Variants in DOCK6 observed in about 807,000 individuals in gnomAD.
DOCK6 encodes the protein dedicator of cytokinesis protein 6.
In DOCK6, 167 loss-of-function variants were observed where a neutral mutation model predicts 230.3. The observed-to-expected ratio is 0.73, with a 90% CI of 0.64 to 0.82. The LOEUF (loss-of-function observed/expected upper bound fraction) is 0.82, where lower values mean the gene tolerates loss of function less well. Ranked by LOEUF, DOCK6 falls within the 40% of genes least tolerant of loss-of-function variation. The pLI is 0.00. For missense variants in DOCK6, 2,598 were observed against 2,825.8 expected (o/e 0.92, Z 1.83); for synonymous variants, 1,148 against 1,185.0 (o/e 0.97, Z 0.64).
chr19:11,245,858 G>T lies in DOCK6; in HGVS notation c.827C>A (p.Pro276His). The T allele has an allele frequency of 6.4e-7, 1 of 1,567,662 alleles. No homozygotes were observed. The highest frequency in any genetic ancestry group is 1.2e-5 in the South Asian group (1 of 85,250). ...LSLKFEIEIEPIFGILALYDV... is the reference protein window; with the variant it reads ...LSLKFEIEIEHIFGILALYDV... ...ATACAGAGCCAAGATCCCAAAGATGGGCTCAATTTCAATCTCGAACCTACA... is the reference window on the plus strand; with the variant it reads ...ATACAGAGCCAAGATCCCAAAGATGTGCTCAATTTCAATCTCGAACCTACA... The change falls in exon 8 of 48, where the codon CCC (proline) becomes CAC (histidine). Residue 276 changes from proline to histidine, a missense_variant. Physicochemically the swap from Pro to His is moderately conservative, Grantham distance 77. Transcript: ENST00000294618.
intron 14 of DOCK6, chr19:11,238,807 AC>A (rs939101021): frequency 6.2e-6 from 1 of 160,718 alleles, no homozygotes; most frequent in Non-Finnish European, 1.4e-5. Context: ...GCAAGCCTTG[AC>A]CCCTCTCTGG....
chr19:11,252,018 C>A, intron 5 of DOCK6, 101 bp downstream of exon 5: 3 of 1,528,604 alleles, frequency 2.0e-6, no homozygotes, highest in Non-Finnish European at 2.7e-6. Flanking sequence ...TCCTTTTGAG[C>A]TCAAGGCTGT....
At chr19:11,249,957 A>G (rs1336274905) in intron 6 of DOCK6, among the ~76,000 whole-genome samples, 1 of 151,666 alleles carries the variant, frequency 6.6e-6, no homozygotes, top group African/African-American at 2.4e-5. Flanking sequence ...TAGGTGCCCA[A>G]TAAATACTGG....
rs1377748349 is a variant in DOCK6, at chr19:11,221,906, G to A, written c.3495C>T (p.Tyr1165=). Reference sequence around the variant, plus strand: ...CCCGTGCAATCGATAGCAGTGGCAGGTACAGCTCGGCCACACGAGCCTTCA... The same window carrying A: ...CCCGTGCAATCGATAGCAGTGGCAGATACAGCTCGGCCACACGAGCCTTCA... ...ATVKARVAEL[Y]LPLLSIARDT... The change falls in exon 28 of 48, where the codon TAC becomes TAT. Residue 1165 remains tyrosine (Y), a synonymous_variant. Transcript: ENST00000294618. 1 of 1,613,404 alleles carries A rather than the reference G, an allele frequency of 6.2e-7. No homozygotes were observed. Among genetic ancestry groups the A allele is most frequent in the Admixed American group, 1.7e-5 (1 of 60,016 alleles).
Position 11,199,382 on chromosome 19 carries a change from A to G in DOCK6, c.*115T>C. 2 of 1,268,134 alleles carry G rather than the reference A, an allele frequency of 1.6e-6. No individual in the cohort carries two copies. Among genetic ancestry groups the G allele is most frequent in the South Asian group, 2.6e-5 (2 of 78,030 alleles). The allele number at this position is 1,268,134 out of a possible 1,614,324, so 78.6% of individuals were successfully genotyped here. A position where few individuals can be genotyped will look rare whatever the true frequency, so the allele number is the denominator to read the frequency against. Reference sequence around the variant, plus strand: ...CACAGGGGCAGAGGGCCCAGCCCCAAGTACAGTGTGGTCACCCCACAGCCC... The same window carrying G: ...CACAGGGGCAGAGGGCCCAGCCCCAGGTACAGTGTGGTCACCCCACAGCCC... On this transcript the variant is annotated 3_prime_UTR_variant, in exon 48 of 48. Transcript: ENST00000294618.
In DOCK6 at chr19:11,215,812, C is replaced by T. The variant is rs766434870; in HGVS notation, c.4010G>A (p.Arg1337Gln). Residue 1337 changes from arginine (R) to glutamine (Q), a missense_variant, in exon 31 of 48, where the codon CGG becomes CAG. Arg to Gln is a conservative substitution (Grantham distance 43, BLOSUM62 1). Coordinates refer to ENST00000294618, the MANE Select transcript of DOCK6 (RefSeq NM_020812.4). The stretch of plus-strand genomic sequence containing the variant: ...TGTCACCCTCTTACCACGACTTCGC[C>T]GAACCATTTCTTGTCGAGCTCCGAT... ...GTIGARQEMV[R>Q]RSRERSPFGN... 12 of 1,613,826 alleles carry T rather than the reference C, an allele frequency of 7.4e-6. No homozygotes were observed. Among genetic ancestry groups the T allele is most frequent in the Admixed American group, 3.3e-5 (2 of 60,000 alleles).
intron 1 of DOCK6, among the ~76,000 whole-genome samples, chr19:11,256,268 T>C (rs1362795200): frequency 2.6e-5 from 4 of 152,182 alleles, no homozygotes; most frequent in Non-Finnish European, 4.4e-5. Context: ...TTACAAAAGA[T>C]GCTGGGACAG....
chr19:11,216,091 T>A (rs543526854), intron 30 of DOCK6, 164 bp from the exon 31 acceptor site: 880 of 436,008 alleles, frequency 2.0e-3, no homozygotes, highest in East Asian at 3.4e-3. Flanking sequence ...AAAAAAAAAA[T>A]TTTTTTTTTT....
chr19:11,211,505 C>T (rs1322689952), intron 37 of DOCK6, among the ~76,000 whole-genome samples: 2 of 151,178 alleles, frequency 1.3e-5, no homozygotes, highest in Non-Finnish European at 3.0e-5. Context: ...CTCATGTCTG[C>T]TCACCTGTCC....
intron 7 of DOCK6, chr19:11,247,847 G>T (rs1599279707): frequency 1.8e-6 from 1 of 552,080 alleles, no homozygotes; most frequent in Non-Finnish European, 3.3e-6. Context: ...TACATGAAAG[G>T]CTGAGAACTG....
rs764367300 is a variant in DOCK6, at chr19:11,200,889, C to T, written c.5832+20G>A. The T allele has an allele frequency of 3.1e-6, 5 of 1,613,858 alleles. No individual in the cohort carries two copies. The South Asian group carries it at 4.4e-5, about 14-fold the overall frequency. On this transcript the variant is annotated intron_variant, in intron 45 of 47. Coordinates refer to ENST00000294618, the MANE Select transcript of DOCK6 (RefSeq NM_020812.4). This position sits in a 1 kb window ranked among gnomAD's most constrained non-coding sequence, Gnocchi z 4.3. Reference sequence around the variant, plus strand: ...CTGGAGTCCCCCGTGCGGCTTGCATCCCCCTTCCACCAGCCGTGCCTGGTT... The same window carrying T: ...CTGGAGTCCCCCGTGCGGCTTGCATTCCCCTTCCACCAGCCGTGCCTGGTT...
intron 39 of DOCK6, among the ~76,000 whole-genome samples, chr19:11,207,764 C>CA (rs1381867066): frequency 6.6e-6 from 1 of 151,270 alleles, no homozygotes; most frequent in Non-Finnish European, 1.5e-5. Flanking sequence ...CCCGTCTCTA[C>CA]AAAAAAATAC....
chr19:11,237,273 A>C, intron 18 of DOCK6, 183 bp downstream of exon 18: 1 of 659,318 alleles, frequency 1.5e-6, no homozygotes, highest in South Asian at 1.8e-5. Context: ...GGCAATGGGA[A>C]TCTTTGGGGA....
chr19:11,222,872 C>G lies in DOCK6; in HGVS notation c.3103G>C (p.Ala1035Pro). The G allele has an allele frequency of 6.2e-7, 1 of 1,607,138 alleles. No homozygotes were observed. Among genetic ancestry groups the G allele is most frequent in the Admixed American group, 1.7e-5 (1 of 58,526 alleles). ...ATRLQSSPNPAALLTLRMEFT... is the reference protein window; with the variant it reads ...ATRLQSSPNPPALLTLRMEFT... The stretch of plus-strand genomic sequence containing the variant: ...TCCATGCGCAGGGTCAGCAGGGCTG[C>G]TGGATTAGGGGACGACTGGAGCCGC... Residue 1035 changes from alanine to proline, a missense_variant, in exon 26 of 48, where the codon GCA becomes CCA. Physicochemically the swap from Ala to Pro is conservative, Grantham distance 27 (BLOSUM62 -1). Coordinates refer to ENST00000294618, the MANE Select transcript of DOCK6 (RefSeq NM_020812.4). This position sits in a 1 kb window ranked among gnomAD's most constrained non-coding sequence, Gnocchi z 4.0.
At chr19:11,206,248 C>G (rs778918954) in intron 39 of DOCK6, 1 of 152,100 alleles carries the variant, frequency 6.6e-6, no homozygotes, top group Non-Finnish European at 1.5e-5. Context: ...AGAAGAAAAC[C>G]CCTTTTCCAC....
At chr19:11,230,076 G>A (rs1259799146) in intron 22 of DOCK6, among the ~76,000 whole-genome samples, 2 of 148,864 alleles carry the variant, frequency 1.3e-5, no homozygotes, top group African/African-American at 2.5e-5. Context: ...GGAGGATGCT[G>A]TAATCCTAGC....
intron 32 of DOCK6, among the ~76,000 whole-genome samples, chr19:11,214,942 A>ATTTT (rs141146699): frequency 7.9e-6 from 1 of 127,128 alleles, no homozygotes; most frequent in African/African-American, 3.0e-5. Flanking sequence ...TGCCTGGCTA[A>ATTTT]TTTTTTTTTT....
At position 11,217,098 on chromosome 19, in the gene DOCK6, TG is replaced by T; in HGVS notation, c.3712-3del. ...GAGGGCACAGCCTGCGCGAGAAGCCTGGGGCCAGAGAGGAATCAAAGTCAAT... is the reference window on the plus strand; with the variant it reads ...GAGGGCACAGCCTGCGCGAGAAGCCTGGGCCAGAGAGGAATCAAAGTCAAT... On this transcript the variant is annotated splice_polypyrimidine_tract_variant and splice_region_variant and intron_variant, in intron 29 of 47. Coordinates refer to ENST00000294618, the MANE Select transcript of DOCK6 (RefSeq NM_020812.4). The T allele has an allele frequency of 1.9e-6, 3 of 1,610,274 alleles. No individual in the cohort carries two copies. The highest frequency in any genetic ancestry group is 1.7e-6 in the Non-Finnish European group (2 of 1,178,460).
At chr19:11,239,834 G>C (rs866315955) in intron 14 of DOCK6, 1 of 1,602,736 alleles carries the variant, frequency 6.2e-7, no homozygotes, top group African/African-American at 1.3e-5. Flanking sequence ...GCCAGGAACA[G>C]CCTGGGTCTC....
Sources: gnomAD v4.1 joint callset for allele counts (sites outside exome capture counted in the v4.1 genomes callset) on GRCh38, gnomAD v4.1.1 for gene constraint, Gnocchi (gnomAD v3.1) non-coding constraint, MANE v1.5 for transcripts, NCBI Gene and HGNC (gene_info 2026-07-23, HGNC 2026-07-21) for gene names.